ENOX1: variants seen among roughly 807,000 people sequenced by gnomAD.
The protein encoded by ENOX1 is ecto-NOX disulfide-thiol exchanger 1, also known as candidate growth-related and time keeping constitutive hydroquinone (NADH) oxidase.
Under a neutral mutation model 82.5 loss-of-function variants are expected in ENOX1, and 42 were observed. That is an observed-to-expected ratio of 0.51 (90% CI 0.40 to 0.66). The LOEUF is 0.66. Among genes scored for constraint, ENOX1 ranks in the 30% least tolerant of loss-of-function variants. ENOX1 has a pLI of 0.00. For synonymous variants in ENOX1, 271 were observed against 282.2 expected, an observed-to-expected ratio of 0.96 and a Z score of 0.40; for missense variants, 608 against 811.6, an observed-to-expected ratio of 0.75 and a Z score of 3.05.
chr13:43,265,750 A>C (rs1566373796), intron 13 of ENOX1, among the ~76,000 whole-genome samples: 1 of 152,234 alleles, frequency 6.6e-6, no homozygotes, highest in Non-Finnish European at 1.5e-5. Flanking sequence ...GGTTCTTAAG[A>C]ATAATAAATG....
intron 1 of ENOX1, among the ~76,000 whole-genome samples, chr13:43,762,670 G>A (rs575136140): frequency 4.6e-5 from 7 of 152,236 alleles, no homozygotes; most frequent in African/African-American, 1.7e-4. Flanking sequence ...CGGAATCCTA[G>A]AGTATTGAAA....
At chr13:43,554,229 A>G (rs939826088) in intron 2 of ENOX1, among the ~76,000 whole-genome samples, 1 of 152,216 alleles carries the variant, frequency 6.6e-6, no homozygotes, top group Admixed American at 6.5e-5. Context: ...AAAGGCAGGT[A>G]TACATGAGAA....
intron 1 of ENOX1, among the ~76,000 whole-genome samples, chr13:43,750,199 C>T (rs540773996): frequency 6.6e-6 from 1 of 152,182 alleles, no homozygotes; most frequent in East Asian, 1.9e-4. Context: ...GGAAGCTTCT[C>T]CCCAGAGTAG....
chr13:43,463,664 A>G (rs1338462553), intron 3 of ENOX1, among the ~76,000 whole-genome samples: 2 of 152,198 alleles, frequency 1.3e-5, no homozygotes, highest in African/African-American at 4.8e-5. Context: ...TTAAAGGAAA[A>G]AATACCCAAC....
Position 43,327,672 on chromosome 13 carries a change from T to C in ENOX1, c.1037-1147A>G, listed in dbSNP as rs144270009. Among the ~76,000 whole-genome samples the C allele has an allele frequency of 1.5e-3, 234 of 152,248 alleles. 1 individual carries two copies. The highest frequency in any genetic ancestry group is 0.01 in the Middle Eastern group (3 of 294). On this transcript the variant is annotated intron_variant, in intron 9 of 16. Transcript: ENST00000690772. Reference sequence around the variant, plus strand: ...ATAAGTGATTCCCAAGGCTCTATTATAAAAAAGGACATCAAAGCTCTTCCA... The same window carrying C: ...ATAAGTGATTCCCAAGGCTCTATTACAAAAAAGGACATCAAAGCTCTTCCA...
chr13:43,241,814 CACTT>C (rs1393796853), intron 14 of ENOX1, among the ~76,000 whole-genome samples: 1 of 152,200 alleles, frequency 6.6e-6, no homozygotes, highest in Non-Finnish European at 1.5e-5. Context: ...GAGTCCTCAT[CACTT>C]ACTTTGAGAA....
chr13:43,424,832 C>T (rs956555220), intron 3 of ENOX1, among the ~76,000 whole-genome samples: 5 of 152,100 alleles, frequency 3.3e-5, no homozygotes, highest in Non-Finnish European at 5.9e-5. Context: ...GGCTATATCA[C>T]TGGGAGTAAC....
At chr13:43,744,350 C>G (rs991793938) in intron 1 of ENOX1, among the ~76,000 whole-genome samples, 1 of 152,028 alleles carries the variant, frequency 6.6e-6, no homozygotes, top group African/African-American at 2.4e-5. Flanking sequence ...CTAATAAACC[C>G]CTCAGGTCAT....
At chr13:43,640,080 A>G (rs1215349744) in intron 2 of ENOX1, among the ~76,000 whole-genome samples, 1 of 152,228 alleles carries the variant, frequency 6.6e-6, no homozygotes, top group Non-Finnish European at 1.5e-5. Context: ...TTATTATATA[A>G]GAAATACATA....
At chr13:43,249,418 A>G (rs1566334709) in intron 14 of ENOX1, among the ~76,000 whole-genome samples, 1 of 152,218 alleles carries the variant, frequency 6.6e-6, no homozygotes, top group African/African-American at 2.4e-5. Context: ...ATAAAACTAG[A>G]GCAGCAAACA....
chr13:43,530,634 T>C (rs756226167), intron 2 of ENOX1, among the ~76,000 whole-genome samples: 1 of 152,094 alleles, frequency 6.6e-6, no homozygotes, highest in East Asian at 1.9e-4. Flanking sequence ...AGCAACAATA[T>C]AGTTATAGCA....
At chr13:43,698,141 G>C (rs2086731107) in intron 1 of ENOX1, among the ~76,000 whole-genome samples, 1 of 152,144 alleles carries the variant, frequency 6.6e-6, no homozygotes, top group South Asian at 2.1e-4. Flanking sequence ...AAATGGGTGA[G>C]TCATCAGGGA....
At chr13:43,479,598 G>A (rs1000441933) in intron 3 of ENOX1, among the ~76,000 whole-genome samples, 7 of 152,172 alleles carry the variant, frequency 4.6e-5, no homozygotes, top group East Asian at 3.8e-4. Flanking sequence ...AGAATTTCTC[G>A]TTCTTCGAAA....
intron 1 of ENOX1, among the ~76,000 whole-genome samples, chr13:43,760,882 A>T (rs1251907903): frequency 1.3e-5 from 2 of 149,920 alleles, no homozygotes; most frequent in African/African-American, 2.4e-5. Flanking sequence ...AAAAACAAGC[A>T]AACAAGCAAG....
In ENOX1 at chr13:43,344,575, C is replaced by A. The variant is rs1433337507; in HGVS notation, c.999G>T (p.Glu333Asp). ...THEQEMEEAK[E>D]NFKNALTGIL... ...TCCCAGTTAAGGCATTTTTAAAATT[C>A]TCCTTGGCTTCCTCCATCTCTTGCT... The change falls in exon 9 of 17, where the codon GAG becomes GAT. Residue 333 changes from glutamate to aspartate, a missense_variant. By Grantham distance (45) the Glu-to-Asp change is conservative. Transcript: ENST00000690772. 6.2e-7 allele frequency: 1 copy of A among 1,614,160 alleles called. No individual in the cohort carries two copies. Among genetic ancestry groups the A allele is most frequent in the Admixed American group, 1.7e-5 (1 of 60,022 alleles).
chr13:43,606,156 T>C (rs769660849), intron 2 of ENOX1, among the ~76,000 whole-genome samples: 10 of 151,996 alleles, frequency 6.6e-5, no homozygotes, highest in Non-Finnish European at 1.0e-4. Flanking sequence ...AGTCAGGCAA[T>C]AGTAGATGTT....
At chr13:43,285,688 C>T (rs2153495174) in intron 12 of ENOX1, among the ~76,000 whole-genome samples, 1 of 151,896 alleles carries the variant, frequency 6.6e-6, no homozygotes, top group Admixed American at 6.6e-5. Context: ...CACCTGTAAT[C>T]CTAGCACTCA....
chr13:43,384,461 T>C (rs2052276600), intron 5 of ENOX1, among the ~76,000 whole-genome samples: 1 of 152,188 alleles, frequency 6.6e-6, no homozygotes, highest in Non-Finnish European at 1.5e-5. Flanking sequence ...CTATATATTA[T>C]CTTATTCATT....
chr13:43,589,862 G>C (rs1367298953), intron 2 of ENOX1, among the ~76,000 whole-genome samples: 1 of 147,646 alleles, frequency 6.8e-6, no homozygotes, highest in African/African-American at 2.5e-5. Flanking sequence ...TTGAAGCCCT[G>C]GTACCCCAAT....
Sources: gnomAD v4.1 joint callset for allele counts (sites outside exome capture counted in the v4.1 genomes callset) on GRCh38, gnomAD v4.1.1 for gene constraint, MANE v1.5 for transcripts, NCBI Gene and HGNC (gene_info 2026-07-23, HGNC 2026-07-21) for gene names.